Variants in ADGB observed in about 807,000 individuals in gnomAD.
The protein encoded by ADGB is calpain-7-like protein.
A neutral mutation model predicts 210.5 loss-of-function variants in ADGB; 172 were observed. The observed-to-expected ratio is 0.82, with a 90% CI of 0.72 to 0.93. The LOEUF (loss-of-function observed/expected upper bound fraction) is 0.93, where lower values mean the gene tolerates loss of function less well. Among genes scored for constraint, ADGB ranks in the 40% least tolerant of loss-of-function variants. The probability of loss-of-function intolerance (pLI) is 0.00; values close to 1 mark genes in which losing one functional copy is unlikely to be tolerated. For synonymous variants in ADGB, 658 were observed against 662.7 expected, an observed-to-expected ratio of 0.99 and a Z score of 0.11; for missense variants, 2,025 against 1,964.8, an observed-to-expected ratio of 1.03 and a Z score of -0.58.
chr6:146,742,292 T>G (rs992175748), intron 25 of ADGB, among the ~76,000 whole-genome samples: 1 of 151,996 alleles, frequency 6.6e-6, no homozygotes, highest in Non-Finnish European at 1.5e-5. Context: ...CATTTTATTA[T>G]AATTAGAAGT....
At chr6:146,613,348 A>G (rs1176578904) in intron 1 of ADGB, among the ~76,000 whole-genome samples, 1 of 152,224 alleles carries the variant, frequency 6.6e-6, no homozygotes, top group African/African-American at 2.4e-5. Flanking sequence ...AGTAAAACTC[A>G]GAATGCCCTG....
intron 10 of ADGB, among the ~76,000 whole-genome samples, chr6:146,689,589 G>T (rs1392614594): frequency 2.0e-5 from 3 of 151,966 alleles, no homozygotes; most frequent in Admixed American, 1.3e-4. Context: ...AAAATTTGTT[G>T]CAATGGCAGG....
chr6:146,673,695 G>A (rs774827760), intron 8 of ADGB, among the ~76,000 whole-genome samples: 15 of 152,060 alleles, frequency 9.9e-5, no homozygotes, highest in Non-Finnish European at 1.8e-4. Context: ...ATGATGACTG[G>A]TAGAATTCCA....
chr6:146,736,186 CAAAA>C (rs998625367), intron 22 of ADGB, among the ~76,000 whole-genome samples: 2 of 152,052 alleles, frequency 1.3e-5, no homozygotes, highest in African/African-American at 2.4e-5. Context: ...AGATCTGTCA[CAAAA>C]AAAGTTTTAG....
Position 146,598,988 on chromosome 6 carries a change from G to T in ADGB, c.-53G>T. ...TGGCAACGCAGACGCGGAGCCGAGC[G>T]CGCCCGCAGGCTCTTTGCTCAGAGC... On this transcript the variant is annotated 5_prime_UTR_variant, in exon 1 of 36. Transcript: ENST00000397944. The T allele has an allele frequency of 6.7e-7, 1 of 1,491,694 alleles. No individual in the cohort carries two copies. The highest frequency in any genetic ancestry group is 1.2e-5 in the South Asian group (1 of 82,794). 92.4% of individuals were successfully genotyped at this position (1,491,694 alleles called of 1,614,324 possible).
At chr6:146,672,079 G>A in intron 7 of ADGB, 141 bp from the exon 8 acceptor site, 2 of 1,150,608 alleles carry the variant, frequency 1.7e-6, no homozygotes, top group South Asian at 3.6e-5. Flanking sequence ...ACATAATGCT[G>A]TTCTTTTAAC....
rs1285844592 is a variant in ADGB, at chr6:146,798,251, T to C, written c.4538-2932T>C. 2.0e-5 allele frequency among the ~76,000 whole-genome samples: 3 copies of C among 152,142 alleles called. No individual in the cohort carries two copies. The East Asian group carries it at 5.8e-4, about 29-fold the overall frequency. On this transcript the variant is annotated intron_variant, in intron 33 of 35. Transcript: ENST00000397944. The stretch of plus-strand genomic sequence containing the variant: ...AAAGAAAGGTAATTATGTAGGTAAA[T>C]TTTAGAAGACAACGTAAATAGATTT...
intron 35 of ADGB, among the ~76,000 whole-genome samples, chr6:146,813,673 A>C (rs1778336650): frequency 6.6e-6 from 1 of 152,220 alleles, no homozygotes; most frequent in Admixed American, 6.5e-5. Context: ...CAATGAATGG[A>C]TATTAAAATT....
chr6:146,810,916 T>C (rs1490890335), intron 35 of ADGB, among the ~76,000 whole-genome samples: 7 of 152,182 alleles, frequency 4.6e-5, no homozygotes, highest in Non-Finnish European at 7.4e-5. Flanking sequence ...AGTAATTAAA[T>C]TGATTATATT....
At position 146,778,370 on chromosome 6, in the gene ADGB, C is replaced by T. The variant is rs150392506; in HGVS notation, c.3863-3650C>T. Among the ~76,000 whole-genome samples, 13 of 152,204 alleles carry T rather than the reference C, an allele frequency of 8.5e-5. No homozygotes were observed. In the East Asian group the frequency reaches 2.3e-3, roughly 27 times the overall value. ...CTGTGAAGGCAGTGTTTCTGCCACC[C>T]CAAAGTTTATGGCTGACAAAAGATG... is the stretch of plus-strand genomic sequence containing the variant. On this transcript the variant is annotated intron_variant, in intron 29 of 35. Transcript: ENST00000397944.
intron 7 of ADGB, among the ~76,000 whole-genome samples, chr6:146,670,654 G>A (rs1030387941): frequency 1.3e-5 from 2 of 152,048 alleles, no homozygotes; most frequent in Non-Finnish European, 2.9e-5. Flanking sequence ...TATCACTGTT[G>A]TTATTCTCTG....
At chr6:146,784,861 T>G in intron 31 of ADGB, 67 bp downstream of exon 31, 1 of 1,452,856 alleles carries the variant, frequency 6.9e-7, no homozygotes. Flanking sequence ...AAAAAAATAG[T>G]CATGCTGGTA....
chr6:146,622,663 TCA>T (rs1471122402), intron 1 of ADGB, among the ~76,000 whole-genome samples: 1 of 152,128 alleles, frequency 6.6e-6, no homozygotes, highest in Non-Finnish European at 1.5e-5. Flanking sequence ...ATATTTTCTC[TCA>T]GTTTGTGGCA....
intron 13 of ADGB, among the ~76,000 whole-genome samples, chr6:146,713,903 T>C (rs1442454390): frequency 6.6e-6 from 1 of 152,174 alleles, no homozygotes; most frequent in Non-Finnish European, 1.5e-5. Context: ...TCCGCTTCAG[T>C]GCCTAAAGCT....
intron 9 of ADGB, among the ~76,000 whole-genome samples, chr6:146,681,111 A>G (rs1776151472): frequency 6.6e-6 from 1 of 152,136 alleles, no homozygotes; most frequent in African/African-American, 2.4e-5. Flanking sequence ...TATATTTTGG[A>G]TATTTGTCCT....
intron 35 of ADGB, among the ~76,000 whole-genome samples, chr6:146,810,310 T>A (rs1297256630): frequency 6.6e-6 from 1 of 152,114 alleles, no homozygotes; most frequent in Non-Finnish European, 1.5e-5. Flanking sequence ...AGATAAGTGT[T>A]GGGGAGGGTG....
chr6:146,622,331 T>A (rs1306226319), intron 1 of ADGB, among the ~76,000 whole-genome samples: 1 of 152,168 alleles, frequency 6.6e-6, no homozygotes, highest in Non-Finnish European at 1.5e-5. Flanking sequence ...GTGTATCAGC[T>A]GGGCTGGGTT....
At chr6:146,647,688 T>C (rs59029255) in intron 3 of ADGB, among the ~76,000 whole-genome samples, 11,104 of 152,040 alleles carry the variant, frequency 0.073, 445 homozygotes, top group East Asian at 0.13. Flanking sequence ...TAGAACCAGA[T>C]GAAAAAAGTT....
At chr6:146,732,027 T>G (rs1776995489) in intron 20 of ADGB, among the ~76,000 whole-genome samples, 3 of 152,156 alleles carry the variant, frequency 2.0e-5, no homozygotes, top group Admixed American at 2.0e-4. Context: ...TCAAGTGACA[T>G]CTCCAGGCTG....
Sources: allele counts gnomAD v4.1 joint callset (sites outside exome capture counted in the v4.1 genomes callset), GRCh38; gene constraint gnomAD v4.1.1; transcripts MANE v1.5; gene names NCBI Gene and HGNC (gene_info 2026-07-23, HGNC 2026-07-21).